The following TTI1 variants were observed in gnomAD, a reference collection of about 807,000 sequenced individuals.
TTI1 encodes the protein TELO2 interacting protein 1.
A neutral mutation model predicts 85.4 loss-of-function variants in TTI1; 52 were observed. The ratio of observed to expected loss-of-function variants is 0.61; its 90% CI spans 0.49 to 0.77. TTI1 has a LOEUF of 0.77. Among genes scored for constraint, TTI1 ranks in the 30% least tolerant of loss-of-function variants. The pLI, the probability that TTI1 is intolerant of heterozygous loss-of-function variation, is 0.00. For synonymous variants in TTI1, 512 were observed against 503.9 expected, an observed-to-expected ratio of 1.02 and a Z score of -0.22; for missense variants, 1,173 against 1,296.0, an observed-to-expected ratio of 0.91 and a Z score of 1.46.
At chr20:38,022,395 C>T (rs1025274364) in intron 1 of TTI1, among the ~76,000 whole-genome samples, 2 of 152,120 alleles carry the variant, frequency 1.3e-5, no homozygotes, top group Non-Finnish European at 1.5e-5. Flanking sequence ...GATCATCTAC[C>T]TGTTTGTTTA....
At chr20:38,028,574 C>G (rs1181622990) in intron 1 of TTI1, among the ~76,000 whole-genome samples, 6 of 152,184 alleles carry the variant, frequency 3.9e-5, no homozygotes, top group African/African-American at 1.4e-4. Flanking sequence ...CTTCAATATT[C>G]CTCTCTCAAC....
intron 7 of TTI1, among the ~76,000 whole-genome samples, chr20:37,992,078 G>A (rs186103986): frequency 2.6e-5 from 4 of 152,270 alleles, no homozygotes; most frequent in Admixed American, 2.0e-4. Context: ...CCTCCCCAGC[G>A]CCCCATCAGG....
chr20:38,006,303 A>G lies in TTI1; in HGVS notation c.2397T>C (p.Leu799=). 1 of 1,614,176 alleles carries G rather than the reference A, an allele frequency of 6.2e-7. No individual in the cohort carries two copies. Among genetic ancestry groups the G allele is most frequent in the Non-Finnish European group, 8.5e-7 (1 of 1,180,038 alleles). Residue 799 remains leucine (L), a synonymous_variant, in exon 3 of 8, where the codon CTT becomes CTC. Coordinates refer to ENST00000373447, the MANE Select transcript of TTI1 (RefSeq NM_001303457.2). ...GSHLNQRPAA[L]EKSTTTAEDI... ...CTTCAGCTGTGGTGGTGCTCTTCTC[A>G]AGAGCTGCTGGTCTTTGGTTCAAAT... is the stretch of plus-strand genomic sequence containing the variant.
intron 2 of TTI1, among the ~76,000 whole-genome samples, chr20:38,009,729 C>G (rs2073554801): frequency 1.3e-5 from 2 of 152,124 alleles, no homozygotes. Flanking sequence ...TCTTGAACTC[C>G]TGGGCTCAAG....
intron 2 of TTI1, among the ~76,000 whole-genome samples, chr20:38,008,591 C>T (rs755711526): frequency 7.2e-5 from 11 of 152,260 alleles, no homozygotes; most frequent in East Asian, 3.9e-4. Flanking sequence ...TTGCCCTTAC[C>T]GTGGCACCTA....
At position 38,012,496 on chromosome 20, in the gene TTI1, C is replaced by T. The variant is rs1568623121; in HGVS notation, c.1321G>A (p.Ala441Thr). Residue 441 changes from alanine (A) to threonine (T), a missense_variant, in exon 2 of 8, where the codon GCT becomes ACT. Physicochemically the swap from Ala to Thr is moderately conservative, Grantham distance 58. Coordinates refer to ENST00000373447, the MANE Select transcript of TTI1 (RefSeq NM_001303457.2). ...ALIQVLELDVADIKIVEERRW... is the reference protein window; with the variant it reads ...ALIQVLELDVTDIKIVEERRW... ...CGTTCCTCAACAATCTTGATGTCAGCCACGTCTAGCTCTAGAACTTGGATG... is the reference window on the plus strand; with the variant it reads ...CGTTCCTCAACAATCTTGATGTCAGTCACGTCTAGCTCTAGAACTTGGATG... 6.2e-7 allele frequency: 1 copy of T among 1,614,172 alleles called. No individual in the cohort carries two copies. Among genetic ancestry groups the T allele is most frequent in the Non-Finnish European group, 8.5e-7 (1 of 1,180,040 alleles).
intron 7 of TTI1, among the ~76,000 whole-genome samples, chr20:37,992,294 G>C (rs1555791998): frequency 1.3e-5 from 2 of 149,566 alleles, no homozygotes; most frequent in Non-Finnish European, 3.0e-5. Context: ...TTTTTTTTTT[G>C]AAACAGGGTC....
intron 4 of TTI1, among the ~76,000 whole-genome samples, chr20:37,999,816 T>A (rs1042364772): frequency 6.6e-6 from 1 of 152,180 alleles, no homozygotes; most frequent in African/African-American, 2.4e-5. Context: ...GCGTGGAGCA[T>A]TACAGAGAAG....
chr20:38,004,640 G>A (rs1222076118), intron 3 of TTI1, among the ~76,000 whole-genome samples: 2 of 152,192 alleles, frequency 1.3e-5, no homozygotes, highest in Non-Finnish European at 2.9e-5. Context: ...TTTTTCCCCA[G>A]AGGGGAATTT....
At chr20:38,016,305 G>T (rs1193004015) in intron 1 of TTI1, among the ~76,000 whole-genome samples, 1 of 152,162 alleles carries the variant, frequency 6.6e-6, no homozygotes. Flanking sequence ...TGTTTAAGTG[G>T]AAGCCTGGTA....
chr20:38,014,092 T>A (rs1477931569), intron 1 of TTI1, among the ~76,000 whole-genome samples: 1 of 152,148 alleles, frequency 6.6e-6, no homozygotes, highest in Non-Finnish European at 1.5e-5. Flanking sequence ...AGTGTGGAAG[T>A]CATATCCTGA....
intron 7 of TTI1, among the ~76,000 whole-genome samples, chr20:37,984,822 T>G (rs1329197982): frequency 6.6e-6 from 1 of 152,218 alleles, no homozygotes; most frequent in Non-Finnish European, 1.5e-5. Context: ...TTGCTGTATC[T>G]CGGGCACCTG....
chr20:37,992,457 A>T (rs913686073), intron 7 of TTI1, among the ~76,000 whole-genome samples: 1 of 151,930 alleles, frequency 6.6e-6, no homozygotes, highest in Admixed American at 6.6e-5. Context: ...TTATATGTTC[A>T]GTAGAGACAG....
chr20:38,015,157 C>T (rs1218557743), intron 1 of TTI1, among the ~76,000 whole-genome samples: 1 of 152,186 alleles, frequency 6.6e-6, no homozygotes, highest in Non-Finnish European at 1.5e-5. Context: ...GTCGTGCCAG[C>T]GGGCGTGAGC....
chr20:38,018,449 T>A (rs2073715571), intron 1 of TTI1, among the ~76,000 whole-genome samples: 1 of 152,118 alleles, frequency 6.6e-6, no homozygotes, highest in South Asian at 2.1e-4. Context: ...GAAAAATGAA[T>A]GGTAAACACA....
intron 5 of TTI1, among the ~76,000 whole-genome samples, chr20:37,997,772 G>A (rs908896726): frequency 1.3e-5 from 2 of 152,070 alleles, no homozygotes; most frequent in Non-Finnish European, 2.9e-5. Flanking sequence ...TCGTGTCTGC[G>A]CATGGGGAAA....
intron 3 of TTI1, among the ~76,000 whole-genome samples, chr20:38,004,037 C>T (rs867336219): frequency 9.2e-5 from 14 of 152,110 alleles, no homozygotes; most frequent in African/African-American, 3.1e-4. Context: ...CAAGTCTTGC[C>T]TCTAAAACCT....
intron 4 of TTI1, among the ~76,000 whole-genome samples, chr20:37,999,893 T>C (rs997951993): frequency 7.9e-5 from 12 of 152,096 alleles, no homozygotes; most frequent in African/African-American, 2.4e-4. Context: ...CTAAGTGCAG[T>C]GGGGAGCCGT....
Position 37,996,802 on chromosome 20 carries a change from A to T in TTI1, c.2945T>A (p.Leu982Ter). The change falls in exon 6 of 8, where the codon TTG becomes TAG. Residue 982 changes from leucine (L) to a stop codon, truncating the protein, a stop_gained. Coordinates refer to ENST00000373447, the MANE Select transcript of TTI1 (RefSeq NM_001303457.2). LOFTEE classifies it high-confidence loss of function. Reference protein sequence around the residue: ...PVYSHTLAFKLQLAVLQGLGP... With the variant: ...PVYSHTLAFK ...CAGGCCCTGTAAGACAGCCAGCTGC[A>T]ACTTGAAGGCCAGCGTGTGCGAGTA... 1 of 1,613,814 alleles carries T rather than the reference A, an allele frequency of 6.2e-7. No homozygotes were observed. Among genetic ancestry groups the T allele is most frequent in the East Asian group, 2.2e-5 (1 of 44,860 alleles).
Sources: allele counts gnomAD v4.1 joint callset (sites outside exome capture counted in the v4.1 genomes callset), GRCh38; gene constraint gnomAD v4.1.1; transcripts MANE v1.5; gene names NCBI Gene and HGNC (gene_info 2026-07-23, HGNC 2026-07-21).